KIAA0586: variants seen among roughly 807,000 people sequenced by gnomAD.
The protein encoded by KIAA0586 is protein TALPID3.
Under a neutral mutation model 169.8 loss-of-function variants are expected in KIAA0586, and 144 were observed. The ratio of observed to expected loss-of-function variants is 0.85; its 90% CI spans 0.74 to 0.97. The LOEUF (loss-of-function observed/expected upper bound fraction) is 0.97, where lower values mean the gene tolerates loss of function less well. Ranked by LOEUF, KIAA0586 falls within the 50% of genes least tolerant of loss-of-function variation. The pLI, the probability that KIAA0586 is intolerant of heterozygous loss-of-function variation, is 0.00. For missense variants in KIAA0586, 1,854 were observed against 1,823.0 expected, an observed-to-expected ratio of 1.02 and a Z score of -0.31; for synonymous variants, 625 against 612.4, an observed-to-expected ratio of 1.02 and a Z score of -0.30.
At chr14:58,492,414 C>A in intron 26 of KIAA0586, 139 bp downstream of exon 26, 1 of 633,152 alleles carries the variant, frequency 1.6e-6, no homozygotes, top group Non-Finnish European at 2.6e-6. Context: ...AACTTGGAAT[C>A]ATGGAACTGT....
rs779676705 is a variant in KIAA0586, at chr14:58,477,227, T to C, written c.2930T>C (p.Leu977Pro). 2 of 1,534,824 alleles carry C rather than the reference T, an allele frequency of 1.3e-6. 1 individual carries two copies. The highest frequency in any genetic ancestry group is 2.4e-5 in the South Asian group (2 of 84,630). ...TCAGTCAGTGAGACAAGTGAACCAC[T>C]GACTTCTGACATTGGTAAGTGAAAT... is the stretch of plus-strand genomic sequence containing the variant. ...SVSVSETSEP[L>P]TSDIVEGTSS... is the part of the protein sequence containing the mutation. Residue 977 changes from leucine (L) to proline (P), a missense_variant, in exon 20 of 31, where the codon CTG becomes CCG. Leu to Pro is a moderately conservative substitution (Grantham distance 98, BLOSUM62 -3). Coordinates refer to ENST00000652326, the MANE Select transcript of KIAA0586 (RefSeq NM_001329943.3).
At chr14:58,472,097 C>T (rs2041262920) in intron 17 of KIAA0586, 102 bp from the exon 18 acceptor site, 1 of 502,422 alleles carries the variant, frequency 2.0e-6, no homozygotes, top group Non-Finnish European at 3.5e-6. Flanking sequence ...TAAAAAGGAC[C>T]ATGTAATTAT....
At position 58,457,902 on chromosome 14, in the gene KIAA0586, A is replaced by G; in HGVS notation, c.1506A>G (p.Glu502=). 1.9e-6 allele frequency: 3 copies of G among 1,606,714 alleles called. No individual in the cohort carries two copies. The highest frequency in any genetic ancestry group is 2.6e-6 in the Non-Finnish European group (3 of 1,176,156). Residue 502 remains glutamate, a synonymous_variant, in exon 11 of 31, where the codon GAA becomes GAG. Transcript: ENST00000652326. ...RGVQNNKKVL[E]ENLEAIIRAK... is the part of the protein sequence containing the mutation. ...TACAAAACAATAAAAAAGTACTTGA[A>G]GAAAACCTGGAAGCTATTATTCGTG...
At chr14:58,521,346 A>C in intron 29 of KIAA0586, 2 of 1,020,798 alleles carry the variant, frequency 2.0e-6, no homozygotes, top group Admixed American at 3.5e-5. Context: ...AAAGTATTGC[A>C]AAATTGTGGG....
At position 58,550,521 on chromosome 14, in the gene KIAA0586, A is replaced by G. The variant is rs192198207; in HGVS notation, c.*2589A>G. The G allele has an allele frequency of 2.6e-5, 4 of 152,226 alleles. No homozygotes were observed. The highest frequency in any genetic ancestry group is 6.5e-5 in the Admixed American group (1 of 15,286). 9.4% of individuals were successfully genotyped at this position (152,226 alleles called of 1,614,324 possible). On this transcript the variant is annotated 3_prime_UTR_variant, in exon 31 of 31. Coordinates refer to ENST00000652326, the MANE Select transcript of KIAA0586 (RefSeq NM_001329943.3). The stretch of plus-strand genomic sequence containing the variant: ...TTATGAGACATGCTATTAAGAGACT[A>G]TCAAGATCAAGGCTGTTACTATTGC...
Position 58,488,752 on chromosome 14 carries a change from G to T in KIAA0586, c.3659G>T (p.Gly1220Val), listed in dbSNP as rs2042639913. ...TKAPSPSQMP[G>V]SDSSTLESTL... The stretch of plus-strand genomic sequence containing the variant: ...GCCCCTTCCCCCTCACAGATGCCAG[G>T]TTCTGATTCATCAACACTGGAGAGC... Residue 1220 changes from glycine to valine, a missense_variant, in exon 24 of 31, where the codon GGT becomes GTT. Transcript: ENST00000652326. The T allele has an allele frequency of 6.2e-7, 1 of 1,613,676 alleles. No homozygotes were observed. Among genetic ancestry groups the T allele is most frequent in the African/African-American group, 1.3e-5 (1 of 74,864 alleles).
At chr14:58,460,847 G>C (rs2040261535) in intron 13 of KIAA0586, 139 bp from the exon 14 acceptor site, 3 of 483,170 alleles carry the variant, frequency 6.2e-6, no homozygotes, top group Middle Eastern at 7.2e-4. Flanking sequence ...TAGAATTTAA[G>C]GGCTGTTGAA....
In KIAA0586 at chr14:58,453,346, T is replaced by C; in HGVS notation, c.1130-4T>C. 1 of 1,258,414 alleles carries C rather than the reference T, an allele frequency of 7.9e-7. No individual in the cohort carries two copies. The highest frequency in any genetic ancestry group is 1.5e-5 in the South Asian group (1 of 66,562). The allele number at this position is 1,258,414 out of a possible 1,614,324, so 78.0% of individuals were successfully genotyped here. A position where few individuals can be genotyped will look rare whatever the true frequency, so the allele number is the denominator to read the frequency against. On this transcript the variant is annotated splice_region_variant and splice_polypyrimidine_tract_variant and intron_variant, in intron 8 of 30. Coordinates refer to ENST00000652326, the MANE Select transcript of KIAA0586 (RefSeq NM_001329943.3). ...AAAATGATACTATATCTCTTCTATT[T>C]CAGGAAATGTAAGACTATTGGAACA...
At chr14:58,462,089 G>A (rs2040368226) in intron 14 of KIAA0586, among the ~76,000 whole-genome samples, 1 of 152,046 alleles carries the variant, frequency 6.6e-6, no homozygotes. Flanking sequence ...TGGTTACTTT[G>A]GTTCCCTTTG....
intron 21 of KIAA0586, among the ~76,000 whole-genome samples, chr14:58,484,332 T>C (rs2042226027): frequency 6.6e-6 from 1 of 152,166 alleles, no homozygotes. Context: ...TCACATATAT[T>C]TTAAAGTTAG....
intron 10 of KIAA0586, 123 bp from the exon 11 acceptor site, chr14:58,457,636 T>C: frequency 1.6e-6 from 1 of 609,610 alleles, no homozygotes; most frequent in Non-Finnish European, 2.8e-6. Context: ...GTCTTCAGTT[T>C]GACAAATTGA....
intron 29 of KIAA0586, among the ~76,000 whole-genome samples, chr14:58,531,557 T>C (rs2045971337): frequency 1.3e-5 from 2 of 152,044 alleles, no homozygotes; most frequent in Admixed American, 1.3e-4. Context: ...GAAGAGGATG[T>C]AGAGATATAG....
rs185317025 is a variant in KIAA0586 at position 58,515,698 on chromosome 14, A to G, written c.4429+3071A>G. Among the ~76,000 whole-genome samples, 575 of 152,288 alleles carry G rather than the reference A, an allele frequency of 3.8e-3. 6 individuals are homozygous for G. Among genetic ancestry groups the G allele is most frequent in the African/African-American group, 0.013 (559 of 41,576 alleles). On this transcript the variant is annotated intron_variant, in intron 29 of 30. Transcript: ENST00000652326. ...CTCTGATAGGGAGGGGTTGGGGCAC[A>G]GACTAATAAGTGTGCCAAAAATCTG...
At chr14:58,441,686 T>G (rs1357733607) in intron 4 of KIAA0586, among the ~76,000 whole-genome samples, 1 of 152,252 alleles carries the variant, frequency 6.6e-6, no homozygotes, top group East Asian at 1.9e-4. Flanking sequence ...CAGGCTAGAG[T>G]GCAGTGGTGC....
At chr14:58,462,139 T>C (rs2040374417) in intron 14 of KIAA0586, among the ~76,000 whole-genome samples, 1 of 152,254 alleles carries the variant, frequency 6.6e-6, no homozygotes, top group Non-Finnish European at 1.5e-5. Context: ...TGTCAGGTTA[T>C]ATAGAAATTT....
At chr14:58,559,372 C>A in the KIAA0586 span, among the ~76,000 whole-genome samples, 1 of 152,220 alleles carries the variant, frequency 6.6e-6, no homozygotes. Flanking sequence ...AGTGTGTCAT[C>A]CATGCACACA....
At chr14:58,534,356 A>G (rs1430359359) in intron 29 of KIAA0586, among the ~76,000 whole-genome samples, 1 of 152,236 alleles carries the variant, frequency 6.6e-6, no homozygotes, top group Non-Finnish European at 1.5e-5. Context: ...ATTGACAAAG[A>G]TATGGTTGAG....
rs372335392 is a variant in KIAA0586, at chr14:58,465,396, A to G, written c.2060-439A>G. Among the ~76,000 whole-genome samples the G allele has an allele frequency of 1.9e-3, 286 of 152,270 alleles. 1 individual carries two copies. Among genetic ancestry groups the G allele is most frequent in the African/African-American group, 5.7e-3 (237 of 41,506 alleles). The stretch of plus-strand genomic sequence containing the variant: ...GGAAAAAAATTTAAAGAATTCAAAC[A>G]TTGTTGGAATATTCTTCAGAATCTT... On this transcript the variant is annotated intron_variant, in intron 14 of 30. Transcript: ENST00000652326.
In KIAA0586 at chr14:58,430,666, G is replaced by T; in HGVS notation, c.289G>T (p.Ala97Ser). 1 of 1,600,642 alleles carries T rather than the reference G, an allele frequency of 6.2e-7. No individual in the cohort carries two copies. Among genetic ancestry groups the T allele is most frequent in the Non-Finnish European group, 8.5e-7 (1 of 1,171,766 alleles). Residue 97 changes from alanine to serine, a missense_variant, in exon 3 of 31, where the codon GCA becomes TCA. Physicochemically the swap from Ala to Ser is moderately conservative, Grantham distance 99. Coordinates refer to ENST00000652326, the MANE Select transcript of KIAA0586 (RefSeq NM_001329943.3). ...CCCAAAGGATTTTTCTAAAGACGTTGCAGTGCAAGTGTTGCCTTTGGATAA... is the reference window on the plus strand; with the variant it reads ...CCCAAAGGATTTTTCTAAAGACGTTTCAGTGCAAGTGTTGCCTTTGGATAA... ...VSESDFSKDV[A>S]VQVLPLDKIE...
Sources: gnomAD v4.1 joint callset for allele counts (sites outside exome capture counted in the v4.1 genomes callset) on GRCh38, gnomAD v4.1.1 for gene constraint, MANE v1.5 for transcripts, NCBI Gene and HGNC (gene_info 2026-07-23, HGNC 2026-07-21) for gene names.